Variants in MYH10 observed in about 807,000 individuals in gnomAD.
MYH10 encodes the protein myosin heavy chain 10, also known as myosin-10.
In MYH10, 55 loss-of-function variants were observed where a neutral mutation model predicts 257.8. The observed-to-expected ratio is 0.21, with a 90% CI of 0.17 to 0.27. The LOEUF is 0.27. Among genes scored for constraint, MYH10 ranks in the 10% least tolerant of loss-of-function variants. The probability of loss-of-function intolerance (pLI) is 1.00; values close to 1 mark genes in which losing one functional copy is unlikely to be tolerated. For synonymous variants in MYH10, 854 were observed against 921.7 expected (o/e 0.93, Z 1.33); for missense variants, 1,631 against 2,500.6 (o/e 0.65, Z 7.42).
chr17:8,520,805 A>G, intron 19 of MYH10, 73 bp downstream of exon 19: 1 of 1,475,604 alleles, frequency 6.8e-7, no homozygotes, highest in South Asian at 1.4e-5. Flanking sequence ...AGATTTCCTT[A>G]TTTTATCACT....
Position 8,592,954 on chromosome 17 carries a change from T to C in MYH10, c.503-3846A>G, listed in dbSNP as rs1366765633. 6.9e-4 allele frequency among the ~76,000 whole-genome samples: 79 copies of C among 114,686 alleles called. 12 individuals are homozygous for C. Among genetic ancestry groups the C allele is most frequent in the East Asian group, 1.4e-3 (5 of 3,574 alleles). 75.2% of individuals were successfully genotyped at this position (114,686 alleles called of 152,430 possible). ...CCAGCTATATATATATATATATATA[T>C]ATATATATATATATATAAAAGATGA... On this transcript the variant is annotated intron_variant, in intron 3 of 42. Coordinates refer to ENST00000360416, the MANE Select transcript of MYH10 (RefSeq NM_001256012.3).
rs112620026 is a variant in MYH10 at position 8,508,259 on chromosome 17, C to T, written c.3214+295G>A. ...CTGGGACTATAGATGTGCACCACTA[C>T]GCCAGGCTAATTTGTAAATTTTTTG... On this transcript the variant is annotated intron_variant, in intron 26 of 42. Coordinates refer to ENST00000360416, the MANE Select transcript of MYH10 (RefSeq NM_001256012.3). 3.9e-3 allele frequency among the ~76,000 whole-genome samples: 586 copies of T among 152,130 alleles called. 5 individuals are homozygous for T. Among genetic ancestry groups the T allele is most frequent in the African/African-American group, 0.013 (555 of 41,508 alleles).
chr17:8,617,578 A>C (rs1035601311), intron 2 of MYH10, among the ~76,000 whole-genome samples: 7 of 152,228 alleles, frequency 4.6e-5, no homozygotes, highest in Admixed American at 2.0e-4. Context: ...TATGAGTTAC[A>C]GATATGCATA....
At chr17:8,577,160 G>A in intron 5 of MYH10, 76 bp downstream of exon 5, 1 of 1,192,588 alleles carries the variant, frequency 8.4e-7, no homozygotes, top group Non-Finnish European at 1.2e-6. Flanking sequence ...GTGGAGAGTA[G>A]ACTGGCTTCC....
intron 28 of MYH10, among the ~76,000 whole-genome samples, chr17:8,503,275 C>A (rs1257596334): frequency 1.4e-5 from 2 of 147,854 alleles, no homozygotes; most frequent in Non-Finnish European, 3.0e-5. Flanking sequence ...AAGAGCGAAA[C>A]TCCGTCTCAA....
At chr17:8,481,446 AAT>A (rs1913789791) in intron 37 of MYH10, 36 bp from the exon 38 acceptor site, 1 of 1,594,464 alleles carries the variant, frequency 6.3e-7, no homozygotes, top group South Asian at 1.1e-5. Context: ...TCTGGCTGTG[AAT>A]AGTTTCCTCA....
intron 41 of MYH10, 82 bp downstream of exon 41, chr17:8,478,256 C>A (rs886807221): frequency 2.5e-6 from 3 of 1,221,590 alleles, no homozygotes; most frequent in Non-Finnish European, 3.6e-6. Context: ...GCCCTGAATT[C>A]CACTGGTCAG....
intron 19 of MYH10, among the ~76,000 whole-genome samples, chr17:8,519,851 A>G (rs2081591622): frequency 6.7e-6 from 1 of 149,826 alleles, no homozygotes; most frequent in African/African-American, 2.5e-5. Flanking sequence ...GTAACTATTC[A>G]AGAAAATTAC....
Position 8,490,983 on chromosome 17 carries a change from G to A in MYH10, c.4672-431C>T, listed in dbSNP as rs1164039396. ...TTGAAAAGCACATGTGGAAACTGCT[G>A]ATTATTAGGGTGGCTTGGGCCTAAG... On this transcript the variant is annotated intron_variant, in intron 34 of 42. Transcript: ENST00000360416. The surrounding 1 kb of genome is among the most constrained non-coding windows in gnomAD (Gnocchi z 4.1). Among the ~76,000 whole-genome samples, 4 of 152,240 alleles carry A rather than the reference G, an allele frequency of 2.6e-5. No individual in the cohort carries two copies. Among genetic ancestry groups the A allele is most frequent in the Non-Finnish European group, 5.9e-5 (4 of 68,032 alleles).
At chr17:8,587,586 C>T (rs111944852) in intron 4 of MYH10, among the ~76,000 whole-genome samples, 68 of 152,224 alleles carry the variant, frequency 4.5e-4, no homozygotes, top group Admixed American at 4.1e-3. Context: ...AGAAGAGTCG[C>T]GCCCCCCACT....
In MYH10 at chr17:8,552,428, C is replaced by T. The variant is rs1368398906; in HGVS notation, c.821-284G>A. On this transcript the variant is annotated intron_variant, in intron 8 of 42. Transcript: ENST00000360416. This position sits in a 1 kb window ranked among gnomAD's most constrained non-coding sequence, Gnocchi z 4.8. ...CAGCTCCACTCTACCCCATCCTTCC[C>T]CTAACTTGGATTACATTCAAAGAAT... Among the ~76,000 whole-genome samples, 2 of 152,122 alleles carry T rather than the reference C, an allele frequency of 1.3e-5. No homozygotes were observed. Among genetic ancestry groups the T allele is most frequent in the Non-Finnish European group, 2.9e-5 (2 of 68,014 alleles).
At chr17:8,599,949 T>C (rs2084527842) in intron 3 of MYH10, among the ~76,000 whole-genome samples, 1 of 152,258 alleles carries the variant, frequency 6.6e-6, no homozygotes, top group Non-Finnish European at 1.5e-5. Flanking sequence ...AAACAAGCCA[T>C]CAGCCAGGGA....
chr17:8,494,862 C>A lies in MYH10; in HGVS notation c.4056+275G>T, dbSNP rs536240050. ...TGTGCAGCAGGACCATAGCTTGGGT[C>A]AACCACAGCCCAGGCAGCGGCCGTG... On this transcript the variant is annotated intron_variant, in intron 31 of 42. Coordinates refer to ENST00000360416, the MANE Select transcript of MYH10 (RefSeq NM_001256012.3). 2.6e-5 allele frequency among the ~76,000 whole-genome samples: 4 copies of A among 152,380 alleles called. No homozygotes were observed. The East Asian group carries it at 7.7e-4, about 29-fold the overall frequency.
intron 17 of MYH10, among the ~76,000 whole-genome samples, chr17:8,523,621 C>G (rs2081733454): frequency 6.6e-6 from 1 of 152,130 alleles, no homozygotes; most frequent in Admixed American, 6.5e-5. Flanking sequence ...CTCGCACTGG[C>G]TGCTGCCTGC....
intron 21 of MYH10, 104 bp downstream of exon 21, chr17:8,518,527 G>T: frequency 8.0e-7 from 1 of 1,250,428 alleles, no homozygotes. Context: ...CTTCTGTAAG[G>T]ACAGACTATG....
At chr17:8,520,388 C>T (rs1383850605) in intron 19 of MYH10, among the ~76,000 whole-genome samples, 1 of 152,220 alleles carries the variant, frequency 6.6e-6, no homozygotes, top group East Asian at 1.9e-4. Context: ...CCCAGCAACT[C>T]AGGAGGCTGA....
chr17:8,606,915 T>C (rs921314917), intron 2 of MYH10, among the ~76,000 whole-genome samples: 4 of 152,216 alleles, frequency 2.6e-5, no homozygotes, highest in Admixed American at 6.5e-5. Context: ...TGGCAAACCC[T>C]GGCTGGCCCT....
intron 17 of MYH10, among the ~76,000 whole-genome samples, chr17:8,528,428 T>C (rs2081917394): frequency 6.6e-6 from 1 of 152,196 alleles, no homozygotes; most frequent in African/African-American, 2.4e-5. Flanking sequence ...AAAACAGTCC[T>C]TGACTTTATA....
chr17:8,576,057 C>G (rs1400125353), intron 6 of MYH10, among the ~76,000 whole-genome samples: 1 of 152,218 alleles, frequency 6.6e-6, no homozygotes, highest in Non-Finnish European at 1.5e-5. Flanking sequence ...TCATAGCTCA[C>G]TGCAGCCTCA....
Sources: gnomAD v4.1 joint callset for allele counts (sites outside exome capture counted in the v4.1 genomes callset) on GRCh38, gnomAD v4.1.1 for gene constraint, Gnocchi (gnomAD v3.1) non-coding constraint, MANE v1.5 for transcripts, NCBI Gene and HGNC (gene_info 2026-07-23, HGNC 2026-07-21) for gene names.